The following SNTA1 variants were observed in gnomAD, a reference collection of about 807,000 sequenced individuals.
The protein encoded by SNTA1 is syntrophin alpha 1, also known as alpha-1-syntrophin.
In SNTA1, 31 loss-of-function variants were observed where a neutral mutation model predicts 47.1. The ratio of observed to expected loss-of-function variants is 0.66; its 90% CI spans 0.49 to 0.89. The LOEUF (loss-of-function observed/expected upper bound fraction) is 0.89, where lower values mean the gene tolerates loss of function less well. Among genes scored for constraint, SNTA1 ranks in the 40% least tolerant of loss-of-function variants. The pLI is 0.00. For synonymous variants in SNTA1, 300 were observed against 313.6 expected, an observed-to-expected ratio of 0.96 and a Z score of 0.46; for missense variants, 575 against 693.0, an observed-to-expected ratio of 0.83 and a Z score of 1.91.
At chr20:33,422,388 G>A (rs577401267) in intron 2 of SNTA1, among the ~76,000 whole-genome samples, 2 of 150,044 alleles carry the variant, frequency 1.3e-5, no homozygotes, top group East Asian at 4.0e-4. Flanking sequence ...GCAGTGAGCT[G>A]AGATCGTGCC....
chr20:33,443,472 C>A lies in SNTA1; in HGVS notation c.149G>T (p.Gly50Val), dbSNP rs1191388027. The A allele has an allele frequency of 7.3e-7, 1 of 1,378,350 alleles. No individual in the cohort carries two copies. Among genetic ancestry groups the A allele is most frequent in the South Asian group, 1.6e-5 (1 of 62,956 alleles). 85.4% of individuals were successfully genotyped at this position (1,378,350 alleles called of 1,614,324 possible). A position where few individuals can be genotyped will look rare whatever the true frequency, so the allele number is the denominator to read the frequency against. ...LTVSPADGDPGPEPGAPREQE... is the reference protein window; with the variant it reads ...LTVSPADGDPVPEPGAPREQE... ...CTCCCGCGGAGCGCCGGGCTCGGGA[C>A]CAGGGTCGCCGTCGGCGGGGCTCAC... The change falls in exon 1 of 8, where the codon GGT becomes GTT. Residue 50 changes from glycine to valine, a missense_variant. Coordinates refer to ENST00000217381, the MANE Select transcript of SNTA1 (RefSeq NM_003098.3).
intron 2 of SNTA1, among the ~76,000 whole-genome samples, chr20:33,436,520 C>T (rs1022851618): frequency 1.1e-4 from 17 of 152,134 alleles, no homozygotes; most frequent in African/African-American, 3.9e-4. Context: ...GATCAACACT[C>T]TAGAGTCAGC....
chr20:33,428,466 T>C (rs961854767), intron 2 of SNTA1, among the ~76,000 whole-genome samples: 1 of 152,022 alleles, frequency 6.6e-6, no homozygotes, highest in Non-Finnish European at 1.5e-5. Context: ...ACTTACATGT[T>C]CTCAACTTAT....
At chr20:33,436,609 G>C (rs1160498499) in intron 2 of SNTA1, among the ~76,000 whole-genome samples, 1 of 152,044 alleles carries the variant, frequency 6.6e-6, no homozygotes, top group Non-Finnish European at 1.5e-5. Context: ...ACTTAGGTGG[G>C]AGGATCCCTT....
At chr20:33,430,287 C>CA (rs1990270083) in intron 2 of SNTA1, among the ~76,000 whole-genome samples, 1 of 131,492 alleles carries the variant, frequency 7.6e-6, no homozygotes. Context: ...TTACTTTTTT[C>CA]TTTTTTTTTT....
chr20:33,409,177 C>A (rs1989676682), intron 6 of SNTA1, among the ~76,000 whole-genome samples: 1 of 152,186 alleles, frequency 6.6e-6, no homozygotes, highest in Admixed American at 6.6e-5. Flanking sequence ...ATCAGATCTA[C>A]CAAGCACCGC....
chr20:33,434,726 T>A (rs1363728655), intron 2 of SNTA1, among the ~76,000 whole-genome samples: 1 of 151,106 alleles, frequency 6.6e-6, no homozygotes, highest in Non-Finnish European at 1.5e-5. Context: ...CCTACAGAGA[T>A]GAAATCTCAC....
At position 33,417,702 on chromosome 20, in the gene SNTA1, C is replaced by G. The variant is rs752726239; in HGVS notation, c.701+17G>C. On this transcript the variant is annotated intron_variant, in intron 3 of 7. Transcript: ENST00000217381. ...AGGGCATCTGTCCATCTGAGTTGCTCCCAACCCCAGCCTTACCTGGGCTCC... is the reference window on the plus strand; with the variant it reads ...AGGGCATCTGTCCATCTGAGTTGCTGCCAACCCCAGCCTTACCTGGGCTCC... The G allele has an allele frequency of 6.2e-7, 1 of 1,606,228 alleles. No homozygotes were observed. Among genetic ancestry groups the G allele is most frequent in the Non-Finnish European group, 8.5e-7 (1 of 1,172,912 alleles).
At chr20:33,420,201 G>A (rs1989986781) in intron 2 of SNTA1, among the ~76,000 whole-genome samples, 1 of 152,132 alleles carries the variant, frequency 6.6e-6, no homozygotes, top group South Asian at 2.1e-4. Flanking sequence ...TGGGATTACA[G>A]GCATGAACCA....
intron 2 of SNTA1, among the ~76,000 whole-genome samples, chr20:33,428,670 G>T (rs998480428): frequency 1.3e-4 from 20 of 151,768 alleles, no homozygotes; most frequent in African/African-American, 4.1e-4. Flanking sequence ...TGAACTCCTG[G>T]GCTCAAGCAA....
intron 2 of SNTA1, among the ~76,000 whole-genome samples, chr20:33,424,244 G>A (rs1990107712): frequency 6.6e-6 from 1 of 151,178 alleles, no homozygotes; most frequent in Non-Finnish European, 1.5e-5. Context: ...AACGTGGGAG[G>A]CAGAGGTTGC....
At chr20:33,443,040 C>A (rs1422906965) in intron 1 of SNTA1, among the ~76,000 whole-genome samples, 2 of 152,004 alleles carry the variant, frequency 1.3e-5, no homozygotes, top group East Asian at 3.9e-4. Flanking sequence ...CTCAGACCCC[C>A]CCGCCTCCAC....
At position 33,413,228 on chromosome 20, in the gene SNTA1, C is replaced by T. The variant is rs186482451; in HGVS notation, c.702-446G>A. On this transcript the variant is annotated intron_variant, in intron 3 of 7. Coordinates refer to ENST00000217381, the MANE Select transcript of SNTA1 (RefSeq NM_003098.3). ...CAGGATGGTCTCGATCTCCTGACCC[C>T]GTGATCCGCCTGCCTCAGCCTCCCA... 7.4e-3 allele frequency among the ~76,000 whole-genome samples: 1,126 copies of T among 151,900 alleles called. 10 individuals carry two copies. Among genetic ancestry groups the T allele is most frequent in the African/African-American group, 0.026 (1,064 of 41,436 alleles).
chr20:33,418,792 CAAAAAAAAAAAA>C (rs760390793), intron 2 of SNTA1, among the ~76,000 whole-genome samples: 1,822 of 57,428 alleles, frequency 0.032, 74 homozygotes, highest in African/African-American at 0.16. Context: ...GACTCTGTCT[CAAAAAAAAAAAA>C]AAAAAAAAAA....
At chr20:33,423,689 C>T (rs1990089314) in intron 2 of SNTA1, among the ~76,000 whole-genome samples, 2 of 152,348 alleles carry the variant, frequency 1.3e-5, no homozygotes, top group Admixed American at 1.3e-4. Flanking sequence ...CAGGATCACT[C>T]ATCAGGCCCA....
chr20:33,430,866 T>C (rs1203808287), intron 2 of SNTA1, among the ~76,000 whole-genome samples: 1 of 151,676 alleles, frequency 6.6e-6, no homozygotes, highest in Non-Finnish European at 1.5e-5. Context: ...GAAGAATCAC[T>C]TGAACTGGGG....
intron 3 of SNTA1, among the ~76,000 whole-genome samples, chr20:33,417,203 A>T (rs187830600): frequency 6.6e-6 from 1 of 152,308 alleles, no homozygotes; most frequent in East Asian, 1.9e-4. Flanking sequence ...AATATTGCAC[A>T]GGGAAAGCAC....
At chr20:33,419,499 G>GT (rs1338153847) in intron 2 of SNTA1, among the ~76,000 whole-genome samples, 1 of 152,146 alleles carries the variant, frequency 6.6e-6, no homozygotes, top group East Asian at 1.9e-4. Context: ...CCAGGGTCAG[G>GT]TTTTTTTGGG....
chr20:33,424,775 T>C (rs1002037613), intron 2 of SNTA1, among the ~76,000 whole-genome samples: 2 of 150,698 alleles, frequency 1.3e-5, no homozygotes, highest in African/African-American at 4.9e-5. Context: ...CAACCTCCAA[T>C]GTGCTGGGAT....
Sources: gnomAD v4.1 joint callset for allele counts (sites outside exome capture counted in the v4.1 genomes callset) on GRCh38, gnomAD v4.1.1 for gene constraint, MANE v1.5 for transcripts, NCBI Gene and HGNC (gene_info 2026-07-23, HGNC 2026-07-21) for gene names.